Variants in LIMS4 observed in about 807,000 individuals in gnomAD.
LIMS4 encodes LIM zinc finger domain containing 4, also known as LIM and senescent cell antigen-like-containing domain protein 4.
chr2:110,378,975 TAC>T, the LIMS4 span, among the ~76,000 whole-genome samples: 883 of 128,820 alleles, frequency 6.9e-3, 12 homozygotes, highest in African/African-American at 0.016. Context: ...GCTCTCTTTC[TAC>T]ACACACACAC....
chr2:110,425,573 T>A, the LIMS4 span, among the ~76,000 whole-genome samples: 1 of 140,410 alleles, frequency 7.1e-6, no homozygotes, highest in East Asian at 2.0e-4. Flanking sequence ...AATAGGGAGG[T>A]TATCCTGGAT....
chr2:110,397,373 A>AACACACAC, the LIMS4 span: 1 of 139,080 alleles, frequency 7.2e-6, no homozygotes, highest in Non-Finnish European at 1.6e-5. Flanking sequence ...ATCACTACAA[A>AACACACAC]ACACACACAC....
At chr2:110,425,256 A>G in the LIMS4 span, among the ~76,000 whole-genome samples, 2 of 143,572 alleles carry the variant, frequency 1.4e-5, 1 homozygote, top group African/African-American at 5.8e-5. Context: ...GCATGGTGGC[A>G]AACCTATAGT....
At chr2:110,368,698 C>G in the LIMS4 span, among the ~76,000 whole-genome samples, 1 of 131,258 alleles carries the variant, frequency 7.6e-6, no homozygotes, top group Non-Finnish European at 1.6e-5. Flanking sequence ...GCTGCCAAAA[C>G]ATGACTATAT....
chr2:110,397,151 T>C, the LIMS4 span, among the ~76,000 whole-genome samples: 1 of 47,098 alleles, frequency 2.1e-5, no homozygotes, highest in African/African-American at 8.1e-5. Context: ...ATCTGGGCTG[T>C]TTTTGAGGTG....
the LIMS4 span, among the ~76,000 whole-genome samples, chr2:110,391,210 T>A: frequency 2.0e-5 from 3 of 150,720 alleles, no homozygotes; most frequent in Non-Finnish European, 4.4e-5. Flanking sequence ...ATGGCCCCAC[T>A]GCTGTGTGGA....
chr2:110,392,418 G>T, the LIMS4 span, among the ~76,000 whole-genome samples: 1 of 148,440 alleles, frequency 6.7e-6, no homozygotes, highest in Non-Finnish European at 1.5e-5. Context: ...CAGCCTGGGC[G>T]ACAGAGTGAG....
At chr2:110,384,957 G>A in the LIMS4 span, among the ~76,000 whole-genome samples, 1 of 94,772 alleles carries the variant, frequency 1.1e-5, no homozygotes, top group Non-Finnish European at 2.0e-5. Flanking sequence ...TCCGGTTCTC[G>A]CCCCGCCCTC....
chr2:110,367,433 C>T, the LIMS4 span, among the ~76,000 whole-genome samples: 6 of 143,270 alleles, frequency 4.2e-5, no homozygotes, highest in Non-Finnish European at 5.9e-5. Context: ...CACACGTCTA[C>T]AACTAACTGA....
At chr2:110,419,638 T>A in the LIMS4 span, among the ~76,000 whole-genome samples, 1 of 12,370 alleles carries the variant, frequency 8.1e-5, no homozygotes, top group East Asian at 2.4e-3. Context: ...AGACTCCATC[T>A]CAAAACAACA....
At chr2:110,409,819 GAC>G in the LIMS4 span, among the ~76,000 whole-genome samples, 4 of 71,666 alleles carry the variant, frequency 5.6e-5, 1 homozygote, top group East Asian at 1.7e-3. Flanking sequence ...TCCACACAAA[GAC>G]TAGTACATCC....
chr2:110,378,980 A>G, the LIMS4 span, among the ~76,000 whole-genome samples: 1 of 141,824 alleles, frequency 7.1e-6, no homozygotes, highest in African/African-American at 2.7e-5. Flanking sequence ...CTTTCTACAC[A>G]CACACACACA....
the LIMS4 span, among the ~76,000 whole-genome samples, chr2:110,397,101 C>T: frequency 4.8e-5 from 1 of 20,924 alleles, no homozygotes; most frequent in South Asian, 2.4e-3. Context: ...GAGCATTTCA[C>T]CCCTCTCTTC....
the LIMS4 span, chr2:110,376,199 G>A: frequency 8.0e-5 from 11 of 137,582 alleles, 2 homozygotes; most frequent in Admixed American, 6.3e-4. Context: ...TATTTAGGGG[G>A]AACGAGTACA....
chr2:110,396,005 G>T, the LIMS4 span, among the ~76,000 whole-genome samples: 1 of 141,008 alleles, frequency 7.1e-6, no homozygotes, highest in Non-Finnish European at 1.5e-5. Context: ...AGCCTTACTT[G>T]CCTCCCCCTT....
the LIMS4 span, among the ~76,000 whole-genome samples, chr2:110,379,206 G>A: frequency 6.6e-6 from 1 of 151,796 alleles, no homozygotes; most frequent in African/African-American, 2.4e-5. Flanking sequence ...TTGGTTGGTT[G>A]GTTGCTTGCT....
the LIMS4 span, among the ~76,000 whole-genome samples, chr2:110,382,094 AAAAAATAT>A: frequency 9.5e-5 from 8 of 83,962 alleles, no homozygotes; most frequent in Non-Finnish European, 1.7e-4. Flanking sequence ...AAAAAAAAAA[AAAAAATAT>A]ATATATATAT....
chr2:110,372,014 G>A, the LIMS4 span, among the ~76,000 whole-genome samples: 3 of 152,112 alleles, frequency 2.0e-5, no homozygotes, highest in African/African-American at 7.3e-5. Context: ...GGTGAGGTGG[G>A]TGAACTGGTG....
At chr2:110,359,678 G>T in the LIMS4 span, among the ~76,000 whole-genome samples, 3 of 101,432 alleles carry the variant, frequency 3.0e-5, no homozygotes, top group Non-Finnish European at 3.9e-5. Context: ...TCAAGAGCCA[G>T]AGAAATACTT....
Sources: gnomAD v4.1 joint callset for allele counts (sites outside exome capture counted in the v4.1 genomes callset) on GRCh38, gnomAD v4.1.1 for gene constraint, MANE v1.5 for transcripts, NCBI Gene and HGNC (gene_info 2026-07-23, HGNC 2026-07-21) for gene names.